Variants in ISLR2 observed in about 807,000 individuals in gnomAD.
The protein encoded by ISLR2 is immunoglobulin superfamily containing leucine-rich repeat protein 2.
ISLR2 carries 16 observed loss-of-function variants against 25.5 expected under a neutral mutation model. That is an observed-to-expected ratio of 0.63 (90% confidence interval 0.43 to 0.95). ISLR2 has a LOEUF of 0.95. ISLR2 is among the 40% of genes least tolerant of loss of function. The pLI is 0.00. For synonymous variants in ISLR2, 508 were observed against 486.6 expected, an observed-to-expected ratio of 1.04 and a Z score of -0.58; for missense variants, 883 against 1,030.7, an observed-to-expected ratio of 0.86 and a Z score of 1.96.
rs1282569005 is a variant in ISLR2 at position 74,133,283 on chromosome 15, C to G, written c.529C>G (p.Gln177Glu). 6.2e-7 allele frequency: 1 copy of G among 1,611,154 alleles called. No homozygotes were observed. Among genetic ancestry groups the G allele is most frequent in the Non-Finnish European group, 8.5e-7 (1 of 1,179,986 alleles). Residue 177 changes from glutamine to glutamate, a missense_variant, in exon 3 of 3, where the codon CAA becomes GAA. Gln to Glu is a conservative substitution (Grantham distance 29). Coordinates refer to ENST00000453268, the MANE Select transcript of ISLR2 (RefSeq NM_020851.3). ...FDALSALSHL[Q>E]LYHNPFHCGC... is the part of the protein sequence containing the mutation. ...CGCGCTTAGCGCGCTGTCACACTTG[C>G]AACTCTATCACAATCCCTTCCACTG...
chr15:74,107,285 CTG>C (rs2072128423), intron 2 of ISLR2, among the ~76,000 whole-genome samples: 1 of 152,240 alleles, frequency 6.6e-6, no homozygotes, highest in Admixed American at 6.5e-5. Context: ...ATCCCAGGAA[CTG>C]ATCCACCTGT....
chr15:74,139,287 G>A (rs2072598015), downstream of ISLR2, among the ~76,000 whole-genome samples: 1 of 152,204 alleles, frequency 6.6e-6, no homozygotes, highest in South Asian at 2.1e-4. Flanking sequence ...GCCCTCTCAG[G>A]AAAACTCTAG....
At chr15:74,130,200 C>A (rs1380806841), upstream of ISLR2, 1 of 14,590 alleles carries the variant, frequency 6.9e-5, no homozygotes, top group Non-Finnish European at 1.3e-4. Flanking sequence ...GTTAGACTAG[C>A]AGGCGGGGCG....
upstream of ISLR2, chr15:74,128,247 G>A (rs1405711021): frequency 3.0e-6 from 1 of 332,132 alleles, no homozygotes; most frequent in African/African-American, 2.2e-5. Context: ...CTCTGCCTGG[G>A]GCGACTCGGG....
intron 2 of ISLR2, among the ~76,000 whole-genome samples, chr15:74,121,374 C>G (rs968572321): frequency 6.6e-6 from 1 of 152,144 alleles, no homozygotes; most frequent in African/African-American, 2.4e-5. Flanking sequence ...CTCTTCATAG[C>G]CTGATTCCTC....
intron 2 of ISLR2, among the ~76,000 whole-genome samples, chr15:74,107,692 TC>T (rs2072132276): frequency 6.6e-6 from 1 of 152,152 alleles, no homozygotes; most frequent in Admixed American, 6.5e-5. Flanking sequence ...GGAAAAACCC[TC>T]CACGTCCTTG....
At chr15:74,115,891 G>GAAA (rs11307853) in intron 2 of ISLR2, among the ~76,000 whole-genome samples, 1 of 98,564 alleles carries the variant, frequency 1.0e-5, no homozygotes, top group Admixed American at 1.2e-4. Flanking sequence ...AAGATATATT[G>GAAA]AAAAAAAAAA....
At chr15:74,127,470 C>A (rs578186893), upstream of ISLR2, 4 of 152,324 alleles carry the variant, frequency 2.6e-5, no homozygotes, top group African/African-American at 9.6e-5. Flanking sequence ...GTAGGGACAG[C>A]GCCTGTGTTG....
In ISLR2 at chr15:74,132,896, G is replaced by A; in HGVS notation, c.142G>A (p.Gly48Arg). The change falls in exon 3 of 3, where the codon GGA becomes AGA. Residue 48 changes from glycine to arginine, a missense_variant. Coordinates refer to ENST00000453268, the MANE Select transcript of ISLR2 (RefSeq NM_020851.3). This position sits in a 1 kb window ranked among gnomAD's most constrained non-coding sequence, Gnocchi z 4.3. ...CAAAGAGTTGCGTGAGGTGCCGGAAGGACTGCCTGCCAACGTGACGACGCT... is the reference window on the plus strand; with the variant it reads ...CAAAGAGTTGCGTGAGGTGCCGGAAAGACTGCCTGCCAACGTGACGACGCT... Reference protein sequence around the residue: ...AYKELREVPEGLPANVTTLSL... With the variant: ...AYKELREVPERLPANVTTLSL... The A allele has an allele frequency of 2.5e-6, 4 of 1,614,094 alleles. No homozygotes were observed. Among genetic ancestry groups the A allele is most frequent in the Non-Finnish European group, 3.4e-6 (4 of 1,179,948 alleles).
chr15:74,126,730 G>A (rs1441366733), upstream of ISLR2: 3 of 152,164 alleles, frequency 2.0e-5, no homozygotes, highest in African/African-American at 7.2e-5. Flanking sequence ...GTACATAATG[G>A]AGTCTGACGC....
upstream of ISLR2, among the ~76,000 whole-genome samples, chr15:74,125,450 A>G (rs1172414709): frequency 6.6e-6 from 1 of 152,098 alleles, no homozygotes; most frequent in African/African-American, 2.4e-5. Flanking sequence ...ATGTTGCCCA[A>G]GCTGGTCTTA....
downstream of ISLR2, among the ~76,000 whole-genome samples, chr15:74,137,010 A>T (rs2072576847): frequency 6.6e-6 from 1 of 152,184 alleles, no homozygotes; most frequent in Non-Finnish European, 1.5e-5. Flanking sequence ...GGGGTGACAA[A>T]AAACGAGGGC....
chr15:74,108,939 C>T (rs1301948835), intron 2 of ISLR2, among the ~76,000 whole-genome samples: 5 of 152,276 alleles, frequency 3.3e-5, no homozygotes, highest in African/African-American at 1.2e-4. Flanking sequence ...GGGGCAGGTG[C>T]GGGGCTGCTC....
chr15:74,117,764 C>T lies in ISLR2; in HGVS notation n.229-13443C>T, dbSNP rs34929584. ...TGGAATGCCATCAGTTTGTAGCTAA[C>T]ACAACAGCTCCCTGGAGGTCAGGGC... is the stretch of plus-strand genomic sequence containing the variant. On this transcript the variant is annotated intron_variant and non_coding_transcript_variant, in intron 2 of 3. Coordinates refer to the ISLR2 transcript ENST00000561975. Among the ~76,000 whole-genome samples the T allele has an allele frequency of 9.5e-3, 1,447 of 152,330 alleles. 5 individuals are homozygous for T. The highest frequency in any genetic ancestry group is 0.016 in the Non-Finnish European group (1,095 of 68,012).
chr15:74,125,919 A>C (rs563224895), upstream of ISLR2: 54 of 152,354 alleles, frequency 3.5e-4, no homozygotes, highest in African/African-American at 1.3e-3. Flanking sequence ...TAAATACTTA[A>C]ACAGAATGTA....
At chr15:74,120,209 C>T (rs2072242079) in intron 2 of ISLR2, among the ~76,000 whole-genome samples, 2 of 152,172 alleles carry the variant, frequency 1.3e-5, no homozygotes, top group Non-Finnish European at 2.9e-5. Flanking sequence ...TGACTCCCAC[C>T]ATGATTTTTA....
chr15:74,120,579 G>T (rs1052398492), intron 2 of ISLR2, among the ~76,000 whole-genome samples: 2 of 151,920 alleles, frequency 1.3e-5, no homozygotes, highest in African/African-American at 4.8e-5. Flanking sequence ...GGTAGGTGAG[G>T]GGGGTGTGGC....
At chr15:74,131,129 A>C (rs921418345) in intron 1 of ISLR2, 78 bp from the exon 2 acceptor site, 1 of 152,690 alleles carries the variant, frequency 6.5e-6, no homozygotes, top group Non-Finnish European at 1.5e-5. Flanking sequence ...GGAAAAATTG[A>C]AGTGGTACTT....
downstream of ISLR2, among the ~76,000 whole-genome samples, chr15:74,139,064 G>A: frequency 6.6e-6 from 1 of 152,216 alleles, no homozygotes; most frequent in East Asian, 1.9e-4. Flanking sequence ...GATCCTGAGT[G>A]CCACTAGGGC....
Sources: allele counts gnomAD v4.1 joint callset (sites outside exome capture counted in the v4.1 genomes callset), GRCh38; gene constraint gnomAD v4.1.1; non-coding constraint Gnocchi (gnomAD v3.1); transcripts MANE v1.5; gene names NCBI Gene and HGNC (gene_info 2026-07-23, HGNC 2026-07-21).